STARD3NL: variants seen among roughly 807,000 people sequenced by gnomAD.
STARD3NL encodes the protein STARD3 N-terminal like.
A neutral mutation model predicts 30.9 loss-of-function variants in STARD3NL; 17 were observed. The observed-to-expected ratio is 0.55, with a 90% confidence interval of 0.38 to 0.82. The LOEUF (loss-of-function observed/expected upper bound fraction) is 0.82. STARD3NL is among the 40% of genes least tolerant of loss of function. STARD3NL has a pLI of 0.00. For missense variants in STARD3NL, 234 were observed against 277.6 expected, an observed-to-expected ratio of 0.84 and a Z score of 1.12; for synonymous variants, 112 against 100.5, an observed-to-expected ratio of 1.11 and a Z score of -0.69.
At position 38,205,975 on chromosome 7, in the gene STARD3NL, A is replaced by G. The variant is rs114989238; in HGVS notation, c.-58-1472A>G. On this transcript the variant is annotated intron_variant, in intron 1 of 8. Transcript: ENST00000009041. ...AGATCAGGAAGTATGGAGGTTTTAAAGTATCTTATTTCACATAATCAAATT... is the reference window on the plus strand; with the variant it reads ...AGATCAGGAAGTATGGAGGTTTTAAGGTATCTTATTTCACATAATCAAATT... Among the ~76,000 whole-genome samples, 354 of 152,316 alleles carry G rather than the reference A, an allele frequency of 2.3e-3. 3 individuals are homozygous for G. Among genetic ancestry groups the G allele is most frequent in the African/African-American group, 8.2e-3 (339 of 41,576 alleles).
chr7:38,212,722 G>T (rs1210242446), intron 2 of STARD3NL, among the ~76,000 whole-genome samples: 1 of 152,158 alleles, frequency 6.6e-6, no homozygotes, highest in East Asian at 1.9e-4. Flanking sequence ...AGGAAGGAAA[G>T]AACTAACCTG....
At chr7:38,201,525 C>T (rs996931747) in intron 1 of STARD3NL, among the ~76,000 whole-genome samples, 3 of 151,794 alleles carry the variant, frequency 2.0e-5, no homozygotes, top group African/African-American at 4.8e-5. Context: ...ATTTTGAATT[C>T]GTTCAATTTT....
intron 7 of STARD3NL, among the ~76,000 whole-genome samples, chr7:38,223,266 G>A (rs906277225): frequency 9.9e-5 from 15 of 152,160 alleles, no homozygotes; most frequent in African/African-American, 3.4e-4. Flanking sequence ...ACTTGTAAAG[G>A]ATATAAAAAT....
chr7:38,204,638 A>G (rs1400474152), intron 1 of STARD3NL, among the ~76,000 whole-genome samples: 2 of 152,246 alleles, frequency 1.3e-5, no homozygotes, highest in African/African-American at 4.8e-5. Flanking sequence ...CTAAGATCAG[A>G]GCAGAACTGG....
chr7:38,220,678 A>T (rs1233036042), intron 7 of STARD3NL, among the ~76,000 whole-genome samples: 1 of 152,250 alleles, frequency 6.6e-6, no homozygotes, highest in East Asian at 1.9e-4. Flanking sequence ...ACCACAGCAG[A>T]TATGTGTATA....
At chr7:38,192,042 A>G (rs1438040940) in intron 1 of STARD3NL, among the ~76,000 whole-genome samples, 3 of 152,138 alleles carry the variant, frequency 2.0e-5, no homozygotes, top group East Asian at 3.8e-4. Flanking sequence ...TTTATTTTCA[A>G]CTACTTCCAT....
At chr7:38,197,535 C>CA (rs530268573) in intron 1 of STARD3NL, among the ~76,000 whole-genome samples, 14 of 152,186 alleles carry the variant, frequency 9.2e-5, no homozygotes, top group Non-Finnish European at 8.8e-5. Flanking sequence ...AGCTTATCTA[C>CA]AAACCATCTT....
chr7:38,208,612 A>G (rs1785624614), intron 2 of STARD3NL, among the ~76,000 whole-genome samples: 1 of 152,190 alleles, frequency 6.6e-6, no homozygotes, highest in Non-Finnish European at 1.5e-5. Context: ...TTTTCCTCAC[A>G]AGCAAAAAGT....
intron 1 of STARD3NL, among the ~76,000 whole-genome samples, chr7:38,197,012 C>G (rs1784926852): frequency 6.6e-6 from 1 of 152,102 alleles, no homozygotes; most frequent in Non-Finnish European, 1.5e-5. Flanking sequence ...TCCTGTAGAG[C>G]TTCGTGGTGA....
chr7:38,187,999 C>T (rs374699726), intron 1 of STARD3NL, among the ~76,000 whole-genome samples: 38 of 152,192 alleles, frequency 2.5e-4, no homozygotes, highest in Admixed American at 9.8e-4. Context: ...CCTCTACTGC[C>T]CTCACCCTAT....
chr7:38,216,486 T>TGTGTGTGA (rs1554297849), intron 4 of STARD3NL: 3,356 of 150,764 alleles, frequency 0.022, 58 homozygotes, highest in East Asian at 0.056. Context: ...TGTGTGTGAG[T>TGTGTGTGA]GTGTGTGTGT....
At chr7:38,200,366 A>G (rs1408408720) in intron 1 of STARD3NL, among the ~76,000 whole-genome samples, 1 of 152,154 alleles carries the variant, frequency 6.6e-6, no homozygotes, top group Non-Finnish European at 1.5e-5. Context: ...AAGCTAGTGC[A>G]GTGCTTCTCG....
chr7:38,185,071 C>T (rs1784406269), intron 1 of STARD3NL, among the ~76,000 whole-genome samples: 1 of 151,912 alleles, frequency 6.6e-6, no homozygotes, highest in African/African-American at 2.4e-5. Flanking sequence ...ATATTTTAGC[C>T]TGTAGTTGAA....
At chr7:38,216,877 G>C (rs1304461707) in intron 4 of STARD3NL, 148 bp from the exon 5 acceptor site, 2 of 840,978 alleles carry the variant, frequency 2.4e-6, no homozygotes, top group Non-Finnish European at 3.8e-6. Context: ...AGGGGAGAGA[G>C]ACTGAGTGAT....
At chr7:38,190,757 T>C (rs1784653476) in intron 1 of STARD3NL, among the ~76,000 whole-genome samples, 1 of 152,236 alleles carries the variant, frequency 6.6e-6, no homozygotes, top group Non-Finnish European at 1.5e-5. Flanking sequence ...CTTTTCTATT[T>C]GAAGAGTATT....
chr7:38,185,398 C>T (rs1784418570), intron 1 of STARD3NL, among the ~76,000 whole-genome samples: 1 of 152,180 alleles, frequency 6.6e-6, no homozygotes, highest in Admixed American at 6.5e-5. Context: ...TAGGAGATAA[C>T]ATATGTAACT....
chr7:38,190,050 C>A (rs1388710208), intron 1 of STARD3NL, among the ~76,000 whole-genome samples: 1 of 152,174 alleles, frequency 6.6e-6, no homozygotes, highest in Non-Finnish European at 1.5e-5. Flanking sequence ...ACAATAGTTA[C>A]CTCTTATCCA....
chr7:38,229,435 T>A (rs561163205), intron 8 of STARD3NL, among the ~76,000 whole-genome samples: 1 of 152,364 alleles, frequency 6.6e-6, no homozygotes, highest in African/African-American at 2.4e-5. Context: ...CTTAATGGGC[T>A]CCAAAGTGGA....
chr7:38,178,766 C>T (rs1583760557), intron 1 of STARD3NL, among the ~76,000 whole-genome samples: 1 of 152,004 alleles, frequency 6.6e-6, no homozygotes, highest in Admixed American at 6.5e-5. Flanking sequence ...GCCATGGGCC[C>T]CCAAGAAGGA....
Sources: allele counts gnomAD v4.1 joint callset (sites outside exome capture counted in the v4.1 genomes callset), GRCh38; gene constraint gnomAD v4.1.1; transcripts MANE v1.5; gene names NCBI Gene and HGNC (gene_info 2026-07-23, HGNC 2026-07-21).